ST3GAL3: variants seen among roughly 807,000 people sequenced by gnomAD.
The protein encoded by ST3GAL3 is CMP-N-acetylneuraminate-beta-1,4-galactoside alpha-2,3-sialyltransferase.
Under a neutral mutation model 50.1 loss-of-function variants are expected in ST3GAL3, and 21 were observed. The ratio of observed to expected loss-of-function variants is 0.42; its 90% CI spans 0.30 to 0.60. The LOEUF is 0.60. Among genes scored for constraint, ST3GAL3 ranks in the 20% least tolerant of loss-of-function variants. The pLI, the probability that ST3GAL3 is intolerant of heterozygous loss-of-function variation, is 0.19. For synonymous variants in ST3GAL3, 183 were observed against 190.0 expected (o/e 0.96, Z 0.30); for missense variants, 353 against 489.4 (o/e 0.72, Z 2.63).
chr1:43,877,315 T>C (rs760190041), intron 5 of ST3GAL3, among the ~76,000 whole-genome samples: 7 of 152,202 alleles, frequency 4.6e-5, no homozygotes, highest in African/African-American at 1.4e-4. Context: ...ATGATGATGA[T>C]TGTGATGTCA....
At position 43,899,670 on chromosome 1, in the gene ST3GAL3, C is replaced by A; in HGVS notation, c.687C>A (p.Ala229=). ...AGCGCGATTCTCTCTTTGTCCTCGC[C>A]GGCTTCAAGTGGCAGGACTTTAAGT... is the stretch of plus-strand genomic sequence containing the variant. ...QYERDSLFVL[A]GFKWQDFKWL... The change falls in exon 9 of 12, where the codon GCC becomes GCA. Residue 229 remains alanine (A), a synonymous_variant. Transcript: ENST00000347631. The surrounding 1 kb of genome is among the most constrained non-coding windows in gnomAD (Gnocchi z 5.4). 2.5e-6 allele frequency: 4 copies of A among 1,614,122 alleles called. No homozygotes were observed. Among genetic ancestry groups the A allele is most frequent in the Non-Finnish European group, 3.4e-6 (4 of 1,180,022 alleles).
intron 2 of ST3GAL3, among the ~76,000 whole-genome samples, chr1:43,754,889 G>A (rs1386726647): frequency 1.3e-5 from 2 of 151,138 alleles, no homozygotes; most frequent in Non-Finnish European, 2.9e-5. Context: ...GGTCAAGGCT[G>A]CACTCCAGCC....
intron 11 of ST3GAL3, among the ~76,000 whole-genome samples, chr1:43,928,229 C>T (rs1407854570): frequency 1.3e-5 from 2 of 152,184 alleles, no homozygotes; most frequent in South Asian, 2.1e-4. Context: ...CCTCCTGCCT[C>T]AGCCTCCCAA....
At chr1:43,883,688 C>G (rs1038957071) in intron 5 of ST3GAL3, among the ~76,000 whole-genome samples, 1 of 152,210 alleles carries the variant, frequency 6.6e-6, no homozygotes, top group African/African-American at 2.4e-5. Context: ...GGCAGAGTTA[C>G]AAGGGTGCGG....
chr1:43,763,177 A>G (rs183516262), intron 2 of ST3GAL3, among the ~76,000 whole-genome samples: 1 of 152,300 alleles, frequency 6.6e-6, no homozygotes, highest in East Asian at 1.9e-4. Flanking sequence ...TAATTAAATC[A>G]TGGTTCCCCC....
chr1:43,879,284 A>T, intron 5 of ST3GAL3: 1 of 456,152 alleles, frequency 2.2e-6, no homozygotes. Context: ...GTGAGGTGAG[A>T]CGTGAGCATT....
chr1:43,746,172 C>T (rs762895699), intron 2 of ST3GAL3, among the ~76,000 whole-genome samples: 7 of 152,174 alleles, frequency 4.6e-5, no homozygotes, highest in African/African-American at 7.2e-5. Flanking sequence ...AATTTTGACA[C>T]ATGCTGCAGC....
At position 43,899,201 on chromosome 1, in the gene ST3GAL3, T is replaced by C. The variant is rs369936290; in HGVS notation, c.495T>C (p.Asn165=). Reference sequence around the variant, plus strand: ...GCCGCCGCTGCATCATCGTGGGCAATGGAGGCGTTCTTGCCAACAAGTCTC... The same window carrying C: ...GCCGCCGCTGCATCATCGTGGGCAACGGAGGCGTTCTTGCCAACAAGTCTC... ...LRCRRCIIVG[N]GGVLANKSLG... The change falls in exon 8 of 12, where the codon AAT becomes AAC. Residue 165 remains asparagine, a synonymous_variant. Transcript: ENST00000347631. This position sits in a 1 kb window ranked among gnomAD's most constrained non-coding sequence, Gnocchi z 5.4. 19 of 1,614,008 alleles carry C rather than the reference T, an allele frequency of 1.2e-5. 1 individual carries two copies. The African/African-American group carries it at 2.4e-4, about 20-fold the overall frequency.
rs2069011006 is a variant in ST3GAL3, at chr1:43,858,260, C to T, written c.302+19949C>T. 3.1e-6 allele frequency: 4 copies of T among 1,288,632 alleles called. No individual in the cohort carries two copies. The Admixed American group carries it at 9.2e-5, about 30-fold the overall frequency. The allele number at this position is 1,288,632 out of a possible 1,614,324, so 79.8% of individuals were successfully genotyped here. A position where few individuals can be genotyped will look rare whatever the true frequency, so the allele number is the denominator to read the frequency against. On this transcript the variant is annotated intron_variant, in intron 5 of 11. Coordinates refer to ENST00000347631, the MANE Select transcript of ST3GAL3 (RefSeq NM_006279.5). ...AGCTGGAGGAGTGATGAGAGATTGA[C>T]TGGGGAGACGTCCTGGTGAAGTCTG...
chr1:43,822,966 A>G (rs988653054), intron 4 of ST3GAL3, among the ~76,000 whole-genome samples: 9 of 152,126 alleles, frequency 5.9e-5, no homozygotes, highest in Non-Finnish European at 8.8e-5. Flanking sequence ...CATCCTTCCA[A>G]TTGCTCACAT....
At chr1:43,785,293 C>T (rs2057161687) in intron 2 of ST3GAL3, among the ~76,000 whole-genome samples, 1 of 152,180 alleles carries the variant, frequency 6.6e-6, no homozygotes. Flanking sequence ...CAAGTGGAGC[C>T]TCTGCTTCTG....
At chr1:43,775,249 T>C (rs983438204) in intron 2 of ST3GAL3, among the ~76,000 whole-genome samples, 4 of 151,056 alleles carry the variant, frequency 2.6e-5, no homozygotes, top group Non-Finnish European at 4.4e-5. Context: ...TTTTTTTTTT[T>C]CGAGACTGAG....
At chr1:43,908,321 A>G (rs77938105) in intron 9 of ST3GAL3, among the ~76,000 whole-genome samples, 1,707 of 152,276 alleles carry the variant, frequency 0.011, 34 homozygotes, top group African/African-American at 0.039. Context: ...TAAAGTGACC[A>G]GGTGCTTCAT....
intron 3 of ST3GAL3, among the ~76,000 whole-genome samples, chr1:43,805,886 C>A (rs920660164): frequency 6.6e-6 from 1 of 152,150 alleles, no homozygotes; most frequent in African/African-American, 2.4e-5. Context: ...CAGGCACGCA[C>A]CACCACACCC....
chr1:43,907,490 C>G (rs1355032555), intron 9 of ST3GAL3, among the ~76,000 whole-genome samples: 1 of 152,160 alleles, frequency 6.6e-6, no homozygotes, highest in Non-Finnish European at 1.5e-5. Context: ...GATCTCTACC[C>G]TCATCATCTT....
At chr1:43,894,167 A>C in intron 5 of ST3GAL3, 1 of 589,444 alleles carries the variant, frequency 1.7e-6, no homozygotes, top group Non-Finnish European at 3.1e-6. Flanking sequence ...CCAAATAAAG[A>C]CTGACCAGGC....
chr1:43,853,886 C>T (rs966045911), intron 5 of ST3GAL3, among the ~76,000 whole-genome samples: 1 of 152,112 alleles, frequency 6.6e-6, no homozygotes, highest in African/African-American at 2.4e-5. Flanking sequence ...TGATTTGGGA[C>T]GCTTGCATGA....
At chr1:43,785,411 G>A (rs189365996) in intron 2 of ST3GAL3, among the ~76,000 whole-genome samples, 3 of 152,340 alleles carry the variant, frequency 2.0e-5, no homozygotes, top group Admixed American at 1.3e-4. Context: ...GCTGGAAGGT[G>A]AGGTGAGGCC....
At chr1:43,787,826 G>A (rs2057534997) in intron 2 of ST3GAL3, among the ~76,000 whole-genome samples, 1 of 152,180 alleles carries the variant, frequency 6.6e-6, no homozygotes, top group East Asian at 1.9e-4. Context: ...ATATTTGTGA[G>A]AAGGAGGGAG....
Sources: gnomAD v4.1 joint callset for allele counts (sites outside exome capture counted in the v4.1 genomes callset) on GRCh38, gnomAD v4.1.1 for gene constraint, Gnocchi (gnomAD v3.1) non-coding constraint, MANE v1.5 for transcripts, NCBI Gene and HGNC (gene_info 2026-07-23, HGNC 2026-07-21) for gene names.